The following TUT4 variants were observed in gnomAD, a reference collection of about 807,000 sequenced individuals.
TUT4 encodes the protein terminal uridylyltransferase 4.
In TUT4, 36 loss-of-function variants were observed where a neutral mutation model predicts 192.2. That is an observed-to-expected ratio of 0.19 (90% CI 0.14 to 0.25). The LOEUF is 0.25. Ranked by LOEUF, TUT4 falls within the 10% of genes least tolerant of loss-of-function variation. The pLI is 1.00. For missense variants in TUT4, 1,493 were observed against 1,957.2 expected (o/e 0.76, Z 4.47); for synonymous variants, 618 against 666.0 (o/e 0.93, Z 1.11).
intron 7 of TUT4, among the ~76,000 whole-genome samples, chr1:52,493,133 G>A (rs549060500): frequency 2.0e-5 from 3 of 152,302 alleles, no homozygotes; most frequent in Non-Finnish European, 4.4e-5. Context: ...GCCCAGGCTG[G>A]AGTGTAGCAG....
In TUT4 at chr1:52,435,450, C is replaced by G; in HGVS notation, c.4178G>C (p.Arg1393Pro). The G allele has an allele frequency of 6.2e-7, 1 of 1,613,986 alleles. No individual in the cohort carries two copies. The highest frequency in any genetic ancestry group is 8.5e-7 in the Non-Finnish European group (1 of 1,179,922). ...CACCTGTTGAGCATTTACAAGGTTG[C>G]GGACCAGCTGGGCTGCTAAGAGAAG... is the stretch of plus-strand genomic sequence containing the variant. ...NSSVAAAQLV[R>P]NLVNAQQVAG... Residue 1393 changes from arginine (R) to proline (P), a missense_variant, in exon 27 of 30, where the codon CGC becomes CCC. Transcript: ENST00000257177.
intron 1 of TUT4, among the ~76,000 whole-genome samples, chr1:52,552,454 T>A (rs1689712505): frequency 6.6e-6 from 1 of 152,226 alleles, no homozygotes; most frequent in Non-Finnish European, 1.5e-5. Flanking sequence ...CGGGGAAACA[T>A]TCAGTATGTA....
intron 20 of TUT4, among the ~76,000 whole-genome samples, 174 bp from the exon 21 acceptor site, chr1:52,446,841 A>G (rs1280267979): frequency 6.6e-6 from 1 of 152,224 alleles, no homozygotes; most frequent in Non-Finnish European, 1.5e-5. Context: ...AATAAAACGT[A>G]TCTGAAAGAC....
chr1:52,493,609 A>G lies in TUT4; in HGVS notation c.1318+2T>C. 1 of 1,479,514 alleles carries G rather than the reference A, an allele frequency of 6.8e-7. No individual in the cohort carries two copies. The highest frequency in any genetic ancestry group is 9.2e-7 in the Non-Finnish European group (1 of 1,086,258). The allele number at this position is 1,479,514 out of a possible 1,614,324, so 91.6% of individuals were successfully genotyped here. ...AAGAAAAGAAAAAGAAAAGAAACTC[A>G]CCATTTTTCTTTAAAATCCCAAGTA... is the stretch of plus-strand genomic sequence containing the variant. On this transcript the variant is annotated splice_donor_variant, in intron 7 of 29. Coordinates refer to ENST00000257177, the MANE Select transcript of TUT4 (RefSeq NM_001009881.3). LOFTEE classifies it high-confidence loss of function.
chr1:52,482,189 T>G (rs1404999479), intron 9 of TUT4, among the ~76,000 whole-genome samples: 1 of 152,178 alleles, frequency 6.6e-6, no homozygotes, highest in East Asian at 1.9e-4. Flanking sequence ...TGGACACATT[T>G]TAAAAATATT....
chr1:52,535,344 T>C (rs1684624111), intron 1 of TUT4, among the ~76,000 whole-genome samples: 1 of 152,168 alleles, frequency 6.6e-6, no homozygotes, highest in South Asian at 2.1e-4. Flanking sequence ...ATCTTCCAAC[T>C]CTTCTATCAT....
At position 52,525,365 on chromosome 1, in the gene TUT4, C is replaced by CT. The variant is rs11347391; in HGVS notation, c.718+197dup. 1.6e-3 allele frequency among the ~76,000 whole-genome samples: 232 copies of CT among 146,682 alleles called. 5 individuals are homozygous for CT. In the South Asian group the frequency reaches 0.018, roughly 12 times the overall value. On this transcript the variant is annotated intron_variant, in intron 2 of 29. Transcript: ENST00000257177. ...GTACCTACCATAATAAATGAAAAGG[C>CT]TTTTTTTTTTTAGCTTCACCAAGGA...
At chr1:52,426,404 C>T (rs977137140) in intron 28 of TUT4, among the ~76,000 whole-genome samples, 4 of 152,092 alleles carry the variant, frequency 2.6e-5, no homozygotes, top group African/African-American at 7.2e-5. Context: ...GTACATTTTT[C>T]GAAGTGCAGT....
chr1:52,502,448 C>A (rs980051149), intron 4 of TUT4, among the ~76,000 whole-genome samples: 1 of 152,064 alleles, frequency 6.6e-6, no homozygotes. Flanking sequence ...TAATATCTTT[C>A]TTTTCCAACA....
intron 2 of TUT4, 149 bp downstream of exon 2, chr1:52,525,414 T>A (rs1681488572): frequency 9.3e-7 from 1 of 1,076,196 alleles, no homozygotes; most frequent in South Asian, 1.8e-5. Context: ...AAACCATTAA[T>A]GCAAGTATTA....
chr1:52,485,402 C>T (rs1005268075), intron 9 of TUT4, among the ~76,000 whole-genome samples: 1 of 152,028 alleles, frequency 6.6e-6, no homozygotes, highest in Non-Finnish European at 1.5e-5. Flanking sequence ...TCATATCATT[C>T]GCACAAAGAG....
chr1:52,434,012 G>A (rs1652955679), intron 27 of TUT4: 1 of 152,112 alleles, frequency 6.6e-6, no homozygotes, highest in Non-Finnish European at 1.5e-5. Context: ...GATACATAGA[G>A]ATTTATTTTC....
intron 4 of TUT4, among the ~76,000 whole-genome samples, chr1:52,501,436 G>A (rs1674038360): frequency 6.6e-6 from 1 of 151,530 alleles, no homozygotes; most frequent in Non-Finnish European, 1.5e-5. Context: ...TTGCTATTAT[G>A]GGGGGGCGGG....
intron 14 of TUT4, 37 bp from the exon 15 acceptor site, chr1:52,468,304 A>C: frequency 6.7e-7 from 1 of 1,485,220 alleles, no homozygotes; most frequent in South Asian, 1.2e-5. Flanking sequence ...GAAAAAGAAA[A>C]GTAAGGAAAA....
chr1:52,461,691 G>C (rs79315787), intron 17 of TUT4, 21 bp downstream of exon 17: 1 of 1,535,220 alleles, frequency 6.5e-7, no homozygotes, highest in South Asian at 1.2e-5. Flanking sequence ...TTGTTTTACA[G>C]ATAAGATTCA....
intron 15 of TUT4, among the ~76,000 whole-genome samples, chr1:52,467,904 C>G (rs978849088): frequency 2.0e-5 from 3 of 152,084 alleles, no homozygotes; most frequent in Non-Finnish European, 4.4e-5. Context: ...TGAGAGAGGC[C>G]TATCATAACA....
chr1:52,470,836 T>C (rs1665547004), intron 14 of TUT4, among the ~76,000 whole-genome samples: 1 of 152,070 alleles, frequency 6.6e-6, no homozygotes, highest in Non-Finnish European at 1.5e-5. Context: ...AAGTAATTCA[T>C]AAATGTTTGC....
At chr1:52,468,384 C>T in intron 14 of TUT4, 117 bp from the exon 15 acceptor site, 1 of 704,570 alleles carries the variant, frequency 1.4e-6, no homozygotes, top group Non-Finnish European at 2.2e-6. Flanking sequence ...TATTTGTTGA[C>T]TTCTCTGACT....
chr1:52,506,341 AAT>A (rs1035390095), intron 4 of TUT4, among the ~76,000 whole-genome samples: 2 of 152,114 alleles, frequency 1.3e-5, no homozygotes, highest in Non-Finnish European at 2.9e-5. Flanking sequence ...CCTTTATTGC[AAT>A]ATGTCTCTGG....
Sources: allele counts gnomAD v4.1 joint callset (sites outside exome capture counted in the v4.1 genomes callset), GRCh38; gene constraint gnomAD v4.1.1; transcripts MANE v1.5; gene names NCBI Gene and HGNC (gene_info 2026-07-23, HGNC 2026-07-21).